Variants in PCDHGA10 observed in about 807,000 individuals in gnomAD.
PCDHGA10 encodes the protein protocadherin gamma-A10.
A neutral mutation model predicts 59.5 loss-of-function variants in PCDHGA10; 42 were observed. The ratio of observed to expected loss-of-function variants is 0.71; its 90% CI spans 0.55 to 0.91. The LOEUF (loss-of-function observed/expected upper bound fraction) is 0.91, where lower values mean the gene tolerates loss of function less well. Ranked by LOEUF, PCDHGA10 falls within the 40% of genes least tolerant of loss-of-function variation. The probability of loss-of-function intolerance (pLI) is 0.00; values close to 1 mark genes in which losing one functional copy is unlikely to be tolerated. For synonymous variants in PCDHGA10, 511 were observed against 517.2 expected, an observed-to-expected ratio of 0.99 and a Z score of 0.16; for missense variants, 1,111 against 1,198.2, an observed-to-expected ratio of 0.93 and a Z score of 1.07.
At chr5:141,472,412 G>C (rs1283620276) in intron 1 of PCDHGA10, among the ~76,000 whole-genome samples, 1 of 152,058 alleles carries the variant, frequency 6.6e-6, no homozygotes, top group Non-Finnish European at 1.5e-5. Context: ...GTGGTGGCAC[G>C]CACCTGTATC....
intron 1 of PCDHGA10, chr5:141,423,398 G>C (rs767594062): frequency 6.8e-6 from 11 of 1,614,172 alleles, no homozygotes; most frequent in Non-Finnish European, 9.3e-6. Context: ...CATAAGTCAC[G>C]CCTGCTGCAG....
At position 141,421,580 on chromosome 5, in the gene PCDHGA10, A is replaced by G. The variant is rs375319424; in HGVS notation, c.2436+5969A>G. ...CTCGTGGAAGACACCTTGAAGATTT[A>G]CGGAGTGGAGGTGGAAATAATAGAT... On this transcript the variant is annotated intron_variant, in intron 1 of 3. Transcript: ENST00000398610. The G allele has an allele frequency of 1.1e-5, 17 of 1,613,782 alleles. No individual in the cohort carries two copies. In the East Asian group the frequency reaches 2.7e-4, roughly 25 times the overall value.
chr5:141,424,878 G>A (rs1455273258), intron 1 of PCDHGA10, among the ~76,000 whole-genome samples: 2 of 152,162 alleles, frequency 1.3e-5, no homozygotes, highest in African/African-American at 4.8e-5. Context: ...GAGGAAAGGA[G>A]ACTTATCTAG....
At chr5:141,447,947 A>G (rs2098555998) in intron 1 of PCDHGA10, among the ~76,000 whole-genome samples, 1 of 151,958 alleles carries the variant, frequency 6.6e-6, no homozygotes, top group South Asian at 2.1e-4. Flanking sequence ...TTAGCTGGGC[A>G]TGGTGGCGGA....
chr5:141,458,549 T>A (rs2098948402), intron 1 of PCDHGA10, among the ~76,000 whole-genome samples: 1 of 148,072 alleles, frequency 6.8e-6, no homozygotes, highest in African/African-American at 2.6e-5. Flanking sequence ...ATTTTGTTTG[T>A]TTGTTTTGGT....
intron 1 of PCDHGA10, chr5:141,420,181 T>C (rs1590216182): frequency 6.2e-7 from 1 of 1,613,998 alleles, no homozygotes; most frequent in Non-Finnish European, 8.5e-7. Context: ...TTGATCATTG[T>C]CCAGCCACAC....
At chr5:141,428,613 CAAGAT>C (rs1385471747) in intron 1 of PCDHGA10, 1 of 212,608 alleles carries the variant, frequency 4.7e-6, no homozygotes, top group African/African-American at 2.3e-5. Flanking sequence ...AAGAGAATAA[CAAGAT>C]AAGCTCTAAC....
At chr5:141,475,778 T>A (rs1204790631) in intron 1 of PCDHGA10, among the ~76,000 whole-genome samples, 1 of 152,400 alleles carries the variant, frequency 6.6e-6, no homozygotes. Context: ...GCGCTTTGGC[T>A]GGAAACTCTG....
intron 1 of PCDHGA10, among the ~76,000 whole-genome samples, chr5:141,462,538 C>G (rs565849689): frequency 1.3e-5 from 2 of 152,102 alleles, no homozygotes; most frequent in South Asian, 2.1e-4. Context: ...GTTCAGTGAT[C>G]TTTTCTTCTT....
chr5:141,489,427 C>T lies in PCDHGA10; in HGVS notation c.2437-5380C>T, dbSNP rs370540900. 83 of 1,613,990 alleles carry T rather than the reference C, an allele frequency of 5.1e-5. No individual in the cohort carries two copies. The highest frequency in any genetic ancestry group is 8.3e-5 in the Admixed American group (5 of 59,996). On this transcript the variant is annotated intron_variant, in intron 1 of 3. Transcript: ENST00000398610. The surrounding 1 kb of genome is among the most constrained non-coding windows in gnomAD (Gnocchi z 4.5). ...AAAGATGACAGATCTGTTGAGCCGGCGGCTGCAATTGGGCTCTGAGGAGAA... is the reference window on the plus strand; with the variant it reads ...AAAGATGACAGATCTGTTGAGCCGGTGGCTGCAATTGGGCTCTGAGGAGAA...
chr5:141,423,848 G>C (rs1353181066), intron 1 of PCDHGA10: 1 of 1,277,462 alleles, frequency 7.8e-7, no homozygotes, highest in Non-Finnish European at 9.9e-7. Flanking sequence ...TAATCTTTCA[G>C]AACGTTTTTG....
intron 1 of PCDHGA10, among the ~76,000 whole-genome samples, chr5:141,484,774 C>T (rs1269490742): frequency 6.6e-6 from 1 of 151,782 alleles, no homozygotes; most frequent in Non-Finnish European, 1.5e-5. Context: ...ATGTTGTCTG[C>T]CTCCCCACAG....
chr5:141,497,812 T>C (rs947015544), intron 2 of PCDHGA10, among the ~76,000 whole-genome samples: 2 of 152,202 alleles, frequency 1.3e-5, no homozygotes, highest in African/African-American at 4.8e-5. Flanking sequence ...AGTGCTAGAA[T>C]TACAGGTGTG....
At chr5:141,482,570 C>A (rs2099568543) in intron 1 of PCDHGA10, among the ~76,000 whole-genome samples, 1 of 144,954 alleles carries the variant, frequency 6.9e-6, no homozygotes, top group African/African-American at 2.6e-5. Context: ...ATCTGCATAG[C>A]ATAAGATGCA....
In PCDHGA10 at chr5:141,432,645, C is replaced by A. The variant is rs758701539; in HGVS notation, c.2436+17034C>A. ...CTGCACACGGGCGAGGTGCGCACGG[C>A]GCGAGCCCTGCTGGACAGAGACGCG... On this transcript the variant is annotated intron_variant, in intron 1 of 3. Coordinates refer to ENST00000398610, the MANE Select transcript of PCDHGA10 (RefSeq NM_018913.3). This position sits in a 1 kb window ranked among gnomAD's most constrained non-coding sequence, Gnocchi z 6.0. The A allele has an allele frequency of 1.2e-5, 20 of 1,613,628 alleles. No individual in the cohort carries two copies. The highest frequency in any genetic ancestry group is 1.6e-4 in the Middle Eastern group (1 of 6,066).
Position 141,415,208 on chromosome 5 carries a change from A to C in PCDHGA10, c.2033A>C (p.Asp678Ala). 3 of 1,614,024 alleles carry C rather than the reference A, an allele frequency of 1.9e-6. No homozygotes were observed. The highest frequency in any genetic ancestry group is 2.5e-6 in the Non-Finnish European group (3 of 1,180,010). The change falls in exon 1 of 4, where the codon GAC becomes GCC. Residue 678 changes from aspartate (D) to alanine (A), a missense_variant. By Grantham distance (126) the Asp-to-Ala change is moderately radical. Coordinates refer to ENST00000398610, the MANE Select transcript of PCDHGA10 (RefSeq NM_018913.3). Reference sequence around the variant, plus strand: ...GACAGCATCCCCCAAGTCCTGGCGGACCTCGGCAGCTTCGAGTCTCCAGCT... The same window carrying C: ...GACAGCATCCCCCAAGTCCTGGCGGCCCTCGGCAGCTTCGAGTCTCCAGCT... ...VADSIPQVLADLGSFESPANS... is the reference protein window; with the variant it reads ...VADSIPQVLAALGSFESPANS...
At chr5:141,433,220 T>C (rs781745522) in intron 1 of PCDHGA10, 1 of 1,509,734 alleles carries the variant, frequency 6.6e-7, no homozygotes, top group South Asian at 1.2e-5. Flanking sequence ...TTTTTTTTTT[T>C]AATTGCTCTG....
At chr5:141,467,008 AT>A (rs1165146249) in intron 1 of PCDHGA10, among the ~76,000 whole-genome samples, 2 of 150,270 alleles carry the variant, frequency 1.3e-5, no homozygotes, top group Non-Finnish European at 3.0e-5. Context: ...TTGCAATGCA[AT>A]TTTTTTCCCT....
At chr5:141,480,584 G>A (rs1421730652) in intron 1 of PCDHGA10, among the ~76,000 whole-genome samples, 1 of 134,606 alleles carries the variant, frequency 7.4e-6, no homozygotes, top group Non-Finnish European at 1.6e-5. Context: ...AATAACTGCC[G>A]CTCTTCTGGT....
Sources: gnomAD v4.1 joint callset for allele counts (sites outside exome capture counted in the v4.1 genomes callset) on GRCh38, gnomAD v4.1.1 for gene constraint, Gnocchi (gnomAD v3.1) non-coding constraint, MANE v1.5 for transcripts, NCBI Gene and HGNC (gene_info 2026-07-23, HGNC 2026-07-21) for gene names.